PRPS1: variants seen among roughly 807,000 people sequenced by gnomAD.
PRPS1 encodes the protein ribose-phosphate pyrophosphokinase 1.
In PRPS1, 1 loss-of-function variant was observed where a neutral mutation model predicts 16.9. The ratio of observed to expected loss-of-function variants is 0.06; its 90% CI spans 0.02 to 0.28. The LOEUF is 0.28. PRPS1 is among the 10% of genes least tolerant of loss of function. PRPS1 has a pLI of 1.00. For missense variants in PRPS1, 47 were observed against 254.0 expected (o/e 0.19, Z 5.54); for synonymous variants, 70 against 90.2 (o/e 0.78, Z 1.27).
At chrX:107,639,261 A>C in intron 1 of PRPS1, 34 bp from the exon 2 acceptor site, 1 of 1,201,115 alleles carries the variant, frequency 8.3e-7, no homozygotes, top group Non-Finnish European at 1.1e-6. Context: ...AGTGGTTTAA[A>C]ATCTATTTCA....
intron 1 of PRPS1, among the ~76,000 whole-genome samples, chrX:107,633,654 C>T (rs993154995): frequency 1.5e-4 from 17 of 111,385 alleles, no homozygotes; most frequent in South Asian, 3.8e-4. Flanking sequence ...TGGCTGGGTG[C>T]GGTGGCTCAC....
At chrX:107,648,201 T>C (rs1392474671) in intron 6 of PRPS1, among the ~76,000 whole-genome samples, 1 of 111,894 alleles carries the variant, frequency 8.9e-6, no homozygotes, top group African/African-American at 3.2e-5. Context: ...CAGTGTGCTC[T>C]GGACCTAAGG....
chrX:107,635,769 G>A (rs1322438241), intron 1 of PRPS1, among the ~76,000 whole-genome samples: 1 of 110,573 alleles, frequency 9.0e-6, no homozygotes, highest in Non-Finnish European at 1.9e-5. Context: ...TAGTAGTAAA[G>A]AAAGATCTGG....
chrX:107,647,859 T>C (rs1925737631), intron 6 of PRPS1, 94 bp downstream of exon 6: 1 of 973,779 alleles, frequency 1.0e-6, no homozygotes, highest in Non-Finnish European at 1.4e-6. Context: ...GAAGATATCT[T>C]TCTTTGGTCT....
chrX:107,634,703 T>C (rs1188566627), intron 1 of PRPS1, among the ~76,000 whole-genome samples: 1 of 111,668 alleles, frequency 9.0e-6, no homozygotes, highest in Non-Finnish European at 1.9e-5. Flanking sequence ...TCGAGTAACA[T>C]CATGGACAAT....
intron 1 of PRPS1, among the ~76,000 whole-genome samples, chrX:107,637,039 C>T (rs1410886558): frequency 8.9e-6 from 1 of 112,501 alleles, no homozygotes; most frequent in African/African-American, 3.2e-5. Flanking sequence ...CACACATACA[C>T]CTCTCCTTCA....
Position 107,650,738 on chromosome X carries a change from A to G in PRPS1, c.*706A>G. 3.4e-6 allele frequency: 1 copy of G among 297,986 alleles called. No homozygotes were observed. Among genetic ancestry groups the G allele is most frequent in the South Asian group, 2.0e-4 (1 of 5,031 alleles). 24.6% of individuals were successfully genotyped at this position (297,986 alleles called of 1,213,427 possible). A position where few individuals can be genotyped will look rare whatever the true frequency, so the allele number is the denominator to read the frequency against. ...CTGGCCAAATATCCTCTTGGGCCCA[A>G]ATGAACATTGTACCATAGTCTTCTG... is the stretch of plus-strand genomic sequence containing the variant. On this transcript the variant is annotated 3_prime_UTR_variant, in exon 7 of 7. Coordinates refer to ENST00000372435, the MANE Select transcript of PRPS1 (RefSeq NM_002764.4).
intron 1 of PRPS1, among the ~76,000 whole-genome samples, chrX:107,633,089 T>G (rs1317862775): frequency 2.7e-5 from 3 of 111,714 alleles, no homozygotes; most frequent in African/African-American, 9.7e-5. Context: ...GATACATGCC[T>G]TATAACAAAC....
intron 1 of PRPS1, chrX:107,636,679 G>C (rs1248550912): frequency 8.9e-6 from 1 of 112,267 alleles, no homozygotes; most frequent in Non-Finnish European, 1.9e-5. Flanking sequence ...TGGGATTACA[G>C]GTGTGTGCCA....
At chrX:107,643,554 T>C (rs1925624109) in intron 4 of PRPS1, among the ~76,000 whole-genome samples, 1 of 111,531 alleles carries the variant, frequency 9.0e-6, no homozygotes, top group African/African-American at 3.3e-5. Flanking sequence ...TACAATTGAG[T>C]GTCTATCACT....
At chrX:107,639,757 G>A (rs1925530374) in intron 2 of PRPS1, among the ~76,000 whole-genome samples, 1 of 111,510 alleles carries the variant, frequency 9.0e-6, no homozygotes. Flanking sequence ...CTCCTCTGGA[G>A]TACTGGAGTA....
intron 2 of PRPS1, among the ~76,000 whole-genome samples, chrX:107,640,545 T>C (rs916307396): frequency 6.1e-4 from 68 of 112,352 alleles, no homozygotes; most frequent in African/African-American, 2.1e-3. Flanking sequence ...AAGGTTTACA[T>C]ATGTATGTGT....
chrX:107,639,241 C>T (rs1925519489), intron 1 of PRPS1, 54 bp from the exon 2 acceptor site: 1 of 1,163,968 alleles, frequency 8.6e-7, no homozygotes, highest in Admixed American at 2.2e-5. Context: ...ATATGGAGGG[C>T]TGACAGTACA....
At chrX:107,641,679 C>T (rs1925576998) in intron 3 of PRPS1, among the ~76,000 whole-genome samples, 1 of 111,947 alleles carries the variant, frequency 8.9e-6, no homozygotes, top group African/African-American at 3.2e-5. Context: ...AATTTAGAGC[C>T]ACAGATATTG....
In PRPS1 at chrX:107,647,759, A is replaced by G. The variant is rs775162729; in HGVS notation, c.858A>G (p.Lys286=). The G allele has an allele frequency of 1.6e-5, 19 of 1,209,449 alleles. No individual in the cohort carries two copies. Among genetic ancestry groups the G allele is most frequent in the Non-Finnish European group, 1.8e-5 (16 of 894,770 alleles). Residue 286 remains lysine, a synonymous_variant, in exon 6 of 7, where the codon AAA becomes AAG. Coordinates refer to ENST00000372435, the MANE Select transcript of PRPS1 (RefSeq NM_002764.4). ...PQEDKMKHCS[K]IQVIDISMIL... is the part of the protein sequence containing the mutation. The stretch of plus-strand genomic sequence containing the variant: ...AGGACAAGATGAAGCATTGCTCCAA[A>G]ATACAGGTGAGGATGAGATTTGTGC...
chrX:107,636,181 G>A (rs1925437620), intron 1 of PRPS1, among the ~76,000 whole-genome samples: 1 of 110,790 alleles, frequency 9.0e-6, no homozygotes, highest in African/African-American at 3.3e-5. Context: ...GGAGTGCAGC[G>A]GCTTCATCTC....
intron 3 of PRPS1, among the ~76,000 whole-genome samples, chrX:107,641,561 TTGGCCAGGC>T (rs1195203953): frequency 2.7e-5 from 3 of 111,262 alleles, no homozygotes; most frequent in Non-Finnish European, 5.7e-5. Context: ...TTTCACCATG[TTGGCCAGGC>T]TGGTCTCGAA....
intron 1 of PRPS1, among the ~76,000 whole-genome samples, chrX:107,630,809 G>A (rs191474853): frequency 1.8e-5 from 2 of 110,711 alleles, no homozygotes; most frequent in East Asian, 5.7e-4. Context: ...TGAAATCAGA[G>A]AACTTGGATC....
At chrX:107,639,097 G>A (rs773495942) in intron 1 of PRPS1, among the ~76,000 whole-genome samples, 198 bp from the exon 2 acceptor site, 1 of 111,682 alleles carries the variant, frequency 9.0e-6, no homozygotes, top group Non-Finnish European at 1.9e-5. Flanking sequence ...TAAATACTAC[G>A]TAAATAGTTG....
Sources: gnomAD v4.1 joint callset for allele counts (sites outside exome capture counted in the v4.1 genomes callset) on GRCh38, gnomAD v4.1.1 for gene constraint, MANE v1.5 for transcripts, NCBI Gene and HGNC (gene_info 2026-07-23, HGNC 2026-07-21) for gene names.